Variants in FYB2 observed in about 807,000 individuals in gnomAD.
FYB2 encodes FYN-binding protein 2.
In FYB2, 103 loss-of-function variants were observed where a neutral mutation model predicts 94.1. The ratio of observed to expected loss-of-function variants is 1.09; its 90% CI spans 0.93 to 1.29. The LOEUF (loss-of-function observed/expected upper bound fraction) is 1.29. Among genes scored for constraint, FYB2 ranks in the 50% most tolerant of loss-of-function variants. The pLI, the probability that FYB2 is intolerant of heterozygous loss-of-function variation, is 0.00. For missense variants in FYB2, 896 were observed against 841.5 expected, an observed-to-expected ratio of 1.06 and a Z score of -0.80; for synonymous variants, 293 against 287.9, an observed-to-expected ratio of 1.02 and a Z score of -0.18.
chr1:56,822,012 A>T (rs1360258268), upstream of FYB2, among the ~76,000 whole-genome samples: 1 of 152,122 alleles, frequency 6.6e-6, no homozygotes, highest in Non-Finnish European at 1.5e-5. Flanking sequence ...TGCTTTGGTG[A>T]CCTCCTGCTA....
chr1:56,789,147 C>G lies in FYB2; in HGVS notation c.758-13G>C. On this transcript the variant is annotated splice_polypyrimidine_tract_variant and intron_variant, in intron 2 of 19. Coordinates refer to ENST00000343433, the MANE Select transcript of FYB2 (RefSeq NM_001004303.5). The stretch of plus-strand genomic sequence containing the variant: ...TCTGGCTGTTTTTCTGAACACAAGA[C>G]AGTAAAAAATGTAAGTTATGATTAT... The G allele has an allele frequency of 6.5e-7, 1 of 1,544,234 alleles. No homozygotes were observed. The highest frequency in any genetic ancestry group is 8.7e-7 in the Non-Finnish European group (1 of 1,150,116).
intron 4 of FYB2, among the ~76,000 whole-genome samples, chr1:56,771,989 TA>T (rs1645768372): frequency 1.3e-5 from 2 of 152,126 alleles, no homozygotes; most frequent in East Asian, 3.9e-4. Context: ...ATATTCTCTG[TA>T]ATAATTCTAA....
At chr1:56,820,226 C>A (rs372703053), upstream of FYB2, among the ~76,000 whole-genome samples, 579 of 122,428 alleles carry the variant, frequency 4.7e-3, no homozygotes, top group Admixed American at 5.2e-3. Context: ...GACTCCGTCT[C>A]AAAAAAAAAA....
intron 6 of FYB2, among the ~76,000 whole-genome samples, chr1:56,756,599 A>G (rs904644183): frequency 5.3e-5 from 8 of 152,266 alleles, no homozygotes; most frequent in African/African-American, 1.9e-4. Context: ...TTCAGAGACT[A>G]TTGGTTCTTA....
At chr1:56,749,953 A>C (rs1490166919) in intron 9 of FYB2, among the ~76,000 whole-genome samples, 1 of 152,020 alleles carries the variant, frequency 6.6e-6, no homozygotes, top group Non-Finnish European at 1.5e-5. Flanking sequence ...TGTTTTAGTC[A>C]AGAGAGTCAT....
chr1:56,725,905 T>C lies in FYB2; in HGVS notation c.1880+592A>G, dbSNP rs189826128. ...AGAAAGTACCTCATATCCTGCCCCATGTCCTAGCAATTGAGAAGATGGGAT... is the reference window on the plus strand; with the variant it reads ...AGAAAGTACCTCATATCCTGCCCCACGTCCTAGCAATTGAGAAGATGGGAT... On this transcript the variant is annotated intron_variant, in intron 16 of 19. Transcript: ENST00000343433. 2.5e-3 allele frequency among the ~76,000 whole-genome samples: 384 copies of C among 152,162 alleles called. 3 individuals are homozygous for C. The highest frequency in any genetic ancestry group is 8.8e-3 in the African/African-American group (367 of 41,540).
At chr1:56,822,319 C>T (rs1380672361), upstream of FYB2, among the ~76,000 whole-genome samples, 1 of 152,162 alleles carries the variant, frequency 6.6e-6, no homozygotes, top group East Asian at 1.9e-4. Context: ...CTATTTAAAT[C>T]GTAGAGAAAT....
intron 6 of FYB2, 70 bp downstream of exon 6, chr1:56,758,646 T>A: frequency 8.2e-7 from 1 of 1,215,566 alleles, no homozygotes; most frequent in South Asian, 1.6e-5. Context: ...CTCTAAAAGA[T>A]ACTACTTTAG....
intron 5 of FYB2, among the ~76,000 whole-genome samples, chr1:56,759,655 C>T (rs1397150315): frequency 6.6e-6 from 1 of 152,156 alleles, no homozygotes; most frequent in African/African-American, 2.4e-5. Flanking sequence ...TGAGTTCAAA[C>T]ACTGTTCTGC....
intron 9 of FYB2, among the ~76,000 whole-genome samples, chr1:56,748,921 GACA>G: frequency 6.6e-6 from 1 of 151,830 alleles, no homozygotes; most frequent in African/African-American, 2.4e-5. Context: ...TTATTTGTCT[GACA>G]ACATCTTATT....
intron 7 of FYB2, among the ~76,000 whole-genome samples, 165 bp downstream of exon 7, chr1:56,755,731 G>A (rs1040119155): frequency 4.6e-5 from 7 of 152,064 alleles, no homozygotes; most frequent in Non-Finnish European, 1.0e-4. Flanking sequence ...GGCAAGGCAG[G>A]ATCATGGATC....
rs138843285 is a variant in FYB2, at chr1:56,782,334, G to T, written c.953+4841C>A. Among the ~76,000 whole-genome samples, 85 of 151,870 alleles carry T rather than the reference G, an allele frequency of 5.6e-4. 1 individual carries two copies. Among genetic ancestry groups the T allele is most frequent in the African/African-American group, 2.0e-3 (83 of 41,374 alleles). ...TAATACTCTTAAATTTTTGTTTATA[G>T]TACTTATTACGATGAAAATAAGTAC... On this transcript the variant is annotated intron_variant, in intron 4 of 19. Coordinates refer to ENST00000343433, the MANE Select transcript of FYB2 (RefSeq NM_001004303.5).
chr1:56,807,572 C>G (rs77268092), intron 1 of FYB2, among the ~76,000 whole-genome samples: 24 of 152,262 alleles, frequency 1.6e-4, no homozygotes, highest in African/African-American at 5.8e-4. Flanking sequence ...ATCATTATTG[C>G]CTCTGCTACT....
Position 56,737,140 on chromosome 1 carries a change from C to T in FYB2, c.1740G>A (p.Lys580=), listed in dbSNP as rs1001679887. The change falls in exon 15 of 20, where the codon AAG becomes AAA. Residue 580 remains lysine (K), a synonymous_variant. Coordinates refer to ENST00000343433, the MANE Select transcript of FYB2 (RefSeq NM_001004303.5). ...FSILLPDLEL[K]SQEVIIYDDV... is the part of the protein sequence containing the mutation. ...CATCATAAATAATAACTTCCTGAGA[C>T]TTAAGTTCTAGGGTCAAGACAGAAT... The T allele has an allele frequency of 1.9e-6, 3 of 1,605,168 alleles. No individual in the cohort carries two copies. The highest frequency in any genetic ancestry group is 2.7e-5 in the African/African-American group (2 of 74,524).
intron 4 of FYB2, among the ~76,000 whole-genome samples, chr1:56,779,524 G>T (rs1645960924): frequency 6.6e-6 from 1 of 152,162 alleles, no homozygotes; most frequent in Non-Finnish European, 1.5e-5. Context: ...TAATTAGTTA[G>T]CTTTAATATT....
intron 1 of FYB2, among the ~76,000 whole-genome samples, chr1:56,812,421 C>G (rs1557673872): frequency 6.6e-6 from 1 of 152,142 alleles, no homozygotes; most frequent in Non-Finnish European, 1.5e-5. Flanking sequence ...TGATTCTACT[C>G]TGTCTGTAAA....
At chr1:56,794,097 C>G (rs1646339872) in intron 1 of FYB2, among the ~76,000 whole-genome samples, 1 of 152,192 alleles carries the variant, frequency 6.6e-6, no homozygotes, top group African/African-American at 2.4e-5. Flanking sequence ...AGATGACGCT[C>G]TTGCATTTTT....
At chr1:56,780,269 T>A (rs1255292099) in intron 4 of FYB2, among the ~76,000 whole-genome samples, 3 of 152,166 alleles carry the variant, frequency 2.0e-5, no homozygotes, top group Non-Finnish European at 4.4e-5. Context: ...CAAGGCTTAG[T>A]TCCAAAACCT....
rs1645420426 is a variant in FYB2, at chr1:56,758,822, C to A, written c.1064-72G>T. ...TTTCTTATAGCACCCAGGATTAAAG[C>A]AGTTATAAAAGATTCCAGAATTCAG... On this transcript the variant is annotated intron_variant, in intron 5 of 19. Transcript: ENST00000343433. The A allele has an allele frequency of 1.3e-5, 15 of 1,181,504 alleles. No individual in the cohort carries two copies. In the South Asian group the frequency reaches 2.1e-4, roughly 17 times the overall value. The allele number at this position is 1,181,504 out of a possible 1,614,324, so 73.2% of individuals were successfully genotyped here.
Sources: gnomAD v4.1 joint callset for allele counts (sites outside exome capture counted in the v4.1 genomes callset) on GRCh38, gnomAD v4.1.1 for gene constraint, MANE v1.5 for transcripts, NCBI Gene and HGNC (gene_info 2026-07-23, HGNC 2026-07-21) for gene names.